Variants in OPRK1 observed in about 807,000 individuals in gnomAD.
The protein encoded by OPRK1 is kappa-type opioid receptor.
Under a neutral mutation model 24.5 loss-of-function variants are expected in OPRK1, and 15 were observed. That is an observed-to-expected ratio of 0.61 (90% CI 0.41 to 0.94). The LOEUF (loss-of-function observed/expected upper bound fraction) is 0.94. Among genes scored for constraint, OPRK1 ranks in the 40% least tolerant of loss-of-function variants. OPRK1 has a pLI of 0.00. For synonymous variants in OPRK1, 205 were observed against 198.0 expected, an observed-to-expected ratio of 1.04 and a Z score of -0.30; for missense variants, 479 against 507.3, an observed-to-expected ratio of 0.94 and a Z score of 0.54.
Position 53,234,811 on chromosome 8 carries a change from C to CG in OPRK1, c.557dup (p.Ser187ValfsTer23). ...CTATTGCAGAGATGCCAACAGATGACGACAGCAGCCAGATGCAGATATTGA... is the reference window on the plus strand; with the variant it reads ...CTATTGCAGAGATGCCAACAGATGACGGACAGCAGCCAGATGCAGATATTGA... On this transcript the variant is annotated frameshift_variant, in exon 3 of 4. Coordinates refer to ENST00000265572, the MANE Select transcript of OPRK1 (RefSeq NM_000912.5). LOFTEE classifies it high-confidence loss of function. The CG allele has an allele frequency of 6.2e-7, 1 of 1,614,160 alleles. No individual in the cohort carries two copies.
At chr8:53,244,970 T>C (rs1158405130) in intron 2 of OPRK1, among the ~76,000 whole-genome samples, 1 of 152,228 alleles carries the variant, frequency 6.6e-6, no homozygotes, top group East Asian at 1.9e-4. Flanking sequence ...AGTTTTTGCA[T>C]ATAACTTATG....
In OPRK1 at chr8:53,250,971, G is replaced by C. The variant is rs779035967; in HGVS notation, c.67C>G (p.Pro23Ala). 1.9e-6 allele frequency: 3 copies of C among 1,603,730 alleles called. No individual in the cohort carries two copies. Among genetic ancestry groups the C allele is most frequent in the South Asian group, 2.2e-5 (2 of 89,994 alleles). ...GPTCAPSACL[P>A]PNSSAWFPGW... ...GGAAACCAGGCGCTGCTGTTGGGGG[G>C]CAGGCAGGCGCTCGGGGCGCAGGTA... Residue 23 changes from proline to alanine, a missense_variant, in exon 2 of 4, where the codon CCC becomes GCC. By Grantham distance (27) the Pro-to-Ala change is conservative (BLOSUM62 -1). Transcript: ENST00000265572.
In OPRK1 at chr8:53,226,141, T is replaced by C. The variant is rs1437006756; in HGVS notation, c.*3156A>G. Reference sequence around the variant, plus strand: ...GTTTAAGAACTGTATTTCTTAGTAATATATCACAGAATAGAACCATTTTCT... The same window carrying C: ...GTTTAAGAACTGTATTTCTTAGTAACATATCACAGAATAGAACCATTTTCT... On this transcript the variant is annotated 3_prime_UTR_variant, in exon 4 of 4. Transcript: ENST00000265572. 1 of 152,220 alleles carries C rather than the reference T, an allele frequency of 6.6e-6. No individual in the cohort carries two copies. Among genetic ancestry groups the C allele is most frequent in the African/African-American group, 2.4e-5 (1 of 41,464 alleles). 9.4% of individuals were successfully genotyped at this position (152,220 alleles called of 1,614,324 possible).
At chr8:53,235,218 T>C in intron 2 of OPRK1, 107 bp from the exon 3 acceptor site, 3 of 868,396 alleles carry the variant, frequency 3.5e-6, no homozygotes, top group East Asian at 5.1e-5. Flanking sequence ...CTTCATTCAA[T>C]TATTCTTATA....
chr8:53,237,923 C>T (rs1807031030), intron 2 of OPRK1, among the ~76,000 whole-genome samples: 1 of 152,166 alleles, frequency 6.6e-6, no homozygotes, highest in African/African-American at 2.4e-5. Context: ...GGTGGCAAGG[C>T]AGGGCCCCCT....
chr8:53,230,619 G>A (rs1373561225), intron 3 of OPRK1, among the ~76,000 whole-genome samples: 2 of 152,164 alleles, frequency 1.3e-5, no homozygotes, highest in Non-Finnish European at 2.9e-5. Flanking sequence ...TCTCTTTGCT[G>A]GGTAGTATTC....
chr8:53,233,196 A>G (rs967440125), intron 3 of OPRK1, among the ~76,000 whole-genome samples: 5 of 152,226 alleles, frequency 3.3e-5, no homozygotes, highest in African/African-American at 1.2e-4. Context: ...ACATTTGTTC[A>G]AATCCACAGG....
At chr8:53,240,750 G>A (rs1807093480) in intron 2 of OPRK1, among the ~76,000 whole-genome samples, 2 of 151,886 alleles carry the variant, frequency 1.3e-5, no homozygotes, top group Non-Finnish European at 2.9e-5. Flanking sequence ...AAACTCAGGG[G>A]ATCCAATTTA....
Position 53,251,050 on chromosome 8 carries a change from G to C in OPRK1, c.-13C>G. 1.3e-6 allele frequency: 2 copies of C among 1,502,282 alleles called. No individual in the cohort carries two copies. Among genetic ancestry groups the C allele is most frequent in the Non-Finnish European group, 1.8e-6 (2 of 1,131,934 alleles). The allele number at this position is 1,502,282 out of a possible 1,614,324, so 93.1% of individuals were successfully genotyped here. ...TCGGGGAGTCCATGGTGGGGCGATT[G>C]CAGCAGGAAGGCGAGGACAGGCGGC... On this transcript the variant is annotated 5_prime_UTR_variant, in exon 2 of 4. Transcript: ENST00000265572.
rs989917983 is a variant in OPRK1 at position 53,227,925 on chromosome 8, C to T, written c.*1372G>A. ...TTCTAAATTATCCCTTTTTTCTTCT[C>T]AGGCAAATTACAGAAAAAGCCATTA... On this transcript the variant is annotated 3_prime_UTR_variant, in exon 4 of 4. Transcript: ENST00000265572. 6.6e-6 allele frequency: 1 copy of T among 152,052 alleles called. No individual in the cohort carries two copies. Among genetic ancestry groups the T allele is most frequent in the Non-Finnish European group, 1.5e-5 (1 of 67,988 alleles). 9.4% of individuals were successfully genotyped at this position (152,052 alleles called of 1,614,324 possible).
intron 2 of OPRK1, among the ~76,000 whole-genome samples, chr8:53,247,729 C>T (rs764495462): frequency 9.2e-5 from 14 of 151,986 alleles, no homozygotes; most frequent in Non-Finnish European, 1.8e-4. Context: ...AGTGTAGTGG[C>T]TCACACCTGT....
chr8:53,249,369 G>A (rs569810338), intron 2 of OPRK1, among the ~76,000 whole-genome samples: 2 of 152,114 alleles, frequency 1.3e-5, no homozygotes, highest in East Asian at 3.9e-4. Context: ...TTGTCTAATT[G>A]TCTCTTTAGT....
rs1298384654 is a variant in OPRK1 at position 53,251,537 on chromosome 8, C to G, written c.-138G>C. The G allele has an allele frequency of 6.5e-6, 1 of 153,616 alleles. No homozygotes were observed. Among genetic ancestry groups the G allele is most frequent in the Non-Finnish European group, 1.4e-5 (1 of 69,094 alleles). 9.5% of individuals were successfully genotyped at this position (153,616 alleles called of 1,614,324 possible). A position where few individuals can be genotyped will look rare whatever the true frequency, so the allele number is the denominator to read the frequency against. ...GCGCGCTCACGAGTCCCGCTCAGCT[C>G]TTGGCATCACCTGCTCTCGGACCCC... is the stretch of plus-strand genomic sequence containing the variant. On this transcript the variant is annotated 5_prime_UTR_variant, in exon 1 of 4. Coordinates refer to ENST00000265572, the MANE Select transcript of OPRK1 (RefSeq NM_000912.5).
At chr8:53,239,949 C>T (rs1362447043) in intron 2 of OPRK1, among the ~76,000 whole-genome samples, 1 of 152,186 alleles carries the variant, frequency 6.6e-6, no homozygotes, top group Non-Finnish European at 1.5e-5. Flanking sequence ...TCCAAGCTTT[C>T]TTTAAAAACC....
At chr8:53,245,348 G>C (rs1212368934) in intron 2 of OPRK1, among the ~76,000 whole-genome samples, 10 of 152,200 alleles carry the variant, frequency 6.6e-5, no homozygotes, top group Admixed American at 6.5e-4. Context: ...TGAAGTTACA[G>C]GGAGAAGGCA....
In OPRK1 at chr8:53,229,180, A is replaced by T. The variant is rs1806788210; in HGVS notation, c.*117T>A. The T allele has an allele frequency of 3.9e-6, 5 of 1,288,106 alleles. No homozygotes were observed. The highest frequency in any genetic ancestry group is 5.3e-6 in the Non-Finnish European group (5 of 945,992). 79.8% of individuals were successfully genotyped at this position (1,288,106 alleles called of 1,614,324 possible). A position where few individuals can be genotyped will look rare whatever the true frequency, so the allele number is the denominator to read the frequency against. On this transcript the variant is annotated 3_prime_UTR_variant, in exon 4 of 4. Transcript: ENST00000265572. The stretch of plus-strand genomic sequence containing the variant: ...ATGACTTCAGACCATGAGATCTCTA[A>T]AAGTTTATTTTAAATTCTATCTTTT...
intron 2 of OPRK1, among the ~76,000 whole-genome samples, chr8:53,244,028 C>T (rs1478630305): frequency 6.6e-6 from 1 of 152,136 alleles, no homozygotes; most frequent in Admixed American, 6.5e-5. Context: ...GATTACAACA[C>T]ATACTTCAAT....
Position 53,228,855 on chromosome 8 carries a change from G to A in OPRK1, c.*442C>T, listed in dbSNP as rs201422315. ...GAACCCTGGAAATAGTTCCCATTCC[G>A]TTGGAGGTTGTTGCTGTCATTGTGA... On this transcript the variant is annotated 3_prime_UTR_variant, in exon 4 of 4. Coordinates refer to ENST00000265572, the MANE Select transcript of OPRK1 (RefSeq NM_000912.5). 75 of 160,836 alleles carry A rather than the reference G, an allele frequency of 4.7e-4. No homozygotes were observed. Among genetic ancestry groups the A allele is most frequent in the African/African-American group, 1.5e-3 (61 of 41,626 alleles). 10.0% of individuals were successfully genotyped at this position (160,836 alleles called of 1,614,324 possible).
chr8:53,232,516 C>A (rs1217625589), intron 3 of OPRK1, among the ~76,000 whole-genome samples: 1 of 152,074 alleles, frequency 6.6e-6, no homozygotes, highest in Non-Finnish European at 1.5e-5. Flanking sequence ...TAAATATGTA[C>A]ATCTATTATG....
Sources: gnomAD v4.1 joint callset for allele counts (sites outside exome capture counted in the v4.1 genomes callset) on GRCh38, gnomAD v4.1.1 for gene constraint, MANE v1.5 for transcripts, NCBI Gene and HGNC (gene_info 2026-07-23, HGNC 2026-07-21) for gene names.